The following JAK3 variants were observed in gnomAD, a reference collection of about 807,000 sequenced individuals.
The protein encoded by JAK3 is tyrosine-protein kinase JAK3.
In JAK3, 88 loss-of-function variants were observed where a neutral mutation model predicts 120.8. The observed-to-expected ratio is 0.73, with a 90% confidence interval of 0.61 to 0.87. The LOEUF (loss-of-function observed/expected upper bound fraction) is 0.87. JAK3 is among the 40% of genes least tolerant of loss of function. The probability of loss-of-function intolerance (pLI) is 0.00; values close to 1 mark genes in which losing one functional copy is unlikely to be tolerated. For synonymous variants in JAK3, 592 were observed against 628.6 expected (o/e 0.94, Z 0.87); for missense variants, 1,254 against 1,501.4 (o/e 0.84, Z 2.72).
chr19:17,829,674 C>T (rs1050369583), intron 23 of JAK3: 1 of 262,708 alleles, frequency 3.8e-6, no homozygotes, highest in African/African-American at 2.2e-5. Flanking sequence ...CTAGGGGAAT[C>T]ACTTGAGCTC....
At chr19:17,847,672 C>G (rs2094255277) in intron 1 of JAK3, among the ~76,000 whole-genome samples, 1 of 151,834 alleles carries the variant, frequency 6.6e-6, no homozygotes, top group African/African-American at 2.4e-5. Context: ...CTCCTCCCCA[C>G]CCCCAACCCC....
chr19:17,836,825 A>G (rs3212758), intron 13 of JAK3: 9,095 of 495,760 alleles, frequency 0.018, 676 homozygotes, highest in African/African-American at 0.16. Context: ...GGCCCATCCT[A>G]GACTCCCAAC....
In JAK3 at chr19:17,831,843, TCCC is replaced by T. The variant is rs1174400486; in HGVS notation, c.2681-48_2681-46del. On this transcript the variant is annotated intron_variant, in intron 19 of 23. Coordinates refer to ENST00000458235, the MANE Select transcript of JAK3 (RefSeq NM_000215.4). This position sits in a 1 kb window ranked among gnomAD's most constrained non-coding sequence, Gnocchi z 5.1. Reference sequence around the variant, plus strand: ...TCACAGCAGGGCCCAGCCCTGCTCGTCCCCCCATTCTTCCCCCCTTTCACAGTG... The same window carrying T: ...TCACAGCAGGGCCCAGCCCTGCTCGTCCCATTCTTCCCCCCTTTCACAGTG... 6 of 1,605,712 alleles carry T rather than the reference TCCC, an allele frequency of 3.7e-6. No homozygotes were observed. In the Admixed American group the frequency reaches 8.3e-5, roughly 22 times the overall value.
intron 1 of JAK3, among the ~76,000 whole-genome samples, chr19:17,845,775 A>G (rs2094250761): frequency 6.6e-6 from 1 of 152,158 alleles, no homozygotes; most frequent in African/African-American, 2.4e-5. Context: ...TACAAAAACT[A>G]TGATCCAAAA....
chr19:17,840,017 G>A (rs969446426), intron 9 of JAK3, among the ~76,000 whole-genome samples: 8 of 152,172 alleles, frequency 5.3e-5, no homozygotes, highest in Non-Finnish European at 1.2e-4. Context: ...GGGATTACAG[G>A]CGTAAGCCAC....
At chr19:17,840,580 C>G (rs1009301974) in intron 8 of JAK3, among the ~76,000 whole-genome samples, 1 of 151,822 alleles carries the variant, frequency 6.6e-6, no homozygotes, top group Non-Finnish European at 1.5e-5. Flanking sequence ...TGGCTAACAC[C>G]GTGAAACCCC....
At chr19:17,834,044 A>AT (rs1040166375) in intron 17 of JAK3, among the ~76,000 whole-genome samples, 1 of 151,920 alleles carries the variant, frequency 6.6e-6, no homozygotes, top group Admixed American at 6.6e-5. Flanking sequence ...CCAGCCAAAC[A>AT]TTTTTTTAAA....
In JAK3 at chr19:17,842,454, G is replaced by GTCCT. The variant is rs2094242185; in HGVS notation, c.722_723insAGGA (p.Asp241GlufsTer37). 1.3e-6 allele frequency: 2 copies of GTCCT among 1,597,368 alleles called. No individual in the cohort carries two copies. Among genetic ancestry groups the GTCCT allele is most frequent in the African/African-American group, 1.3e-5 (1 of 74,840 alleles). On this transcript the variant is annotated frameshift_variant, in exon 6 of 24. Transcript: ENST00000458235. LOFTEE classifies it high-confidence loss of function. This position sits in a 1 kb window ranked among gnomAD's most constrained non-coding sequence, Gnocchi z 6.4. ...CCCCGGCTGGATCCAGCCGCTCCAG[G>GTCCT]TCCATGATGTACTTGGCCATGAGCG...
chr19:17,829,769 AAG>A, intron 23 of JAK3: 4 of 452,736 alleles, frequency 8.8e-6, no homozygotes, highest in East Asian at 6.5e-5. Context: ...GAAAGAAAGA[AAG>A]AAAAAAAAAA....
rs569442415 is a variant in JAK3, at chr19:17,838,127, C to T, written c.1570-64G>A. On this transcript the variant is annotated intron_variant, in intron 11 of 23. Transcript: ENST00000458235. Reference sequence around the variant, plus strand: ...GGTTCCTGCAGGATCCCAGCCCAAGCGAGACATAGCTGCTGGCCCCATTTT... The same window carrying T: ...GGTTCCTGCAGGATCCCAGCCCAAGTGAGACATAGCTGCTGGCCCCATTTT... 1.5e-5 allele frequency: 24 copies of T among 1,612,906 alleles called. 1 individual carries two copies. The Middle Eastern group carries it at 5.0e-4, about 33-fold the overall frequency.
intron 22 of JAK3, 96 bp from the exon 23 acceptor site, chr19:17,830,314 G>T: frequency 9.8e-7 from 1 of 1,017,588 alleles, no homozygotes; most frequent in Non-Finnish European, 1.5e-6. Flanking sequence ...ATCTGTGATG[G>T]AGCGGGGAGG....
chr19:17,828,115 TC>T (rs1483226447), intron 23 of JAK3, among the ~76,000 whole-genome samples: 1 of 152,054 alleles, frequency 6.6e-6, no homozygotes, highest in African/African-American at 2.4e-5. Context: ...ATGGGTAGGC[TC>T]CTCCTCCTTC....
chr19:17,839,738 C>CTCT lies in JAK3; in HGVS notation c.1255-76_1255-75insAGA, dbSNP rs538322656. ...TTCTCAGTCCTTCTTCCTTTTTTTT[C>CTCT]TTTTTTTTTTTTTTTTTTTGGAGAC... On this transcript the variant is annotated intron_variant, in intron 9 of 23. Coordinates refer to ENST00000458235, the MANE Select transcript of JAK3 (RefSeq NM_000215.4). 4.2e-3 allele frequency: 3,376 copies of CTCT among 796,000 alleles called. 146 individuals are homozygous for CTCT. The African/African-American group carries it at 0.063, about 15-fold the overall frequency. 49.3% of individuals were successfully genotyped at this position (796,000 alleles called of 1,614,324 possible). A position where few individuals can be genotyped will look rare whatever the true frequency, so the allele number is the denominator to read the frequency against.
Position 17,831,770 on chromosome 19 carries a change from C to CT in JAK3, c.2708dup (p.Tyr904ValfsTer64). ...CGCGCAAGCAGCCGCTGGGCAGGTA[C>CT]TCCATGACCAGCCGCAGGCTCTGGC... is the stretch of plus-strand genomic sequence containing the variant. On this transcript the variant is annotated frameshift_variant, in exon 20 of 24. Coordinates refer to ENST00000458235, the MANE Select transcript of JAK3 (RefSeq NM_000215.4). LOFTEE classifies it high-confidence loss of function. The surrounding 1 kb of genome is among the most constrained non-coding windows in gnomAD (Gnocchi z 5.1). 1 of 1,612,806 alleles carries CT rather than the reference C, an allele frequency of 6.2e-7. No individual in the cohort carries two copies. Among genetic ancestry groups the CT allele is most frequent in the South Asian group, 1.1e-5 (1 of 91,084 alleles).
Position 17,831,135 on chromosome 19 carries a change from G to A in JAK3, c.2978+93C>T, listed in dbSNP as rs1165743840. ...CGGAGGAAGGGCGGGGCTAAGGCTG[G>A]GGAGCAAAGCAGCGGGAGGGGGCGG... On this transcript the variant is annotated intron_variant, in intron 21 of 23. Transcript: ENST00000458235. The surrounding 1 kb of genome is among the most constrained non-coding windows in gnomAD (Gnocchi z 5.1). The A allele has an allele frequency of 7.1e-7, 1 of 1,401,546 alleles. No homozygotes were observed. The highest frequency in any genetic ancestry group is 9.8e-7 in the Non-Finnish European group (1 of 1,021,332). 86.8% of individuals were successfully genotyped at this position (1,401,546 alleles called of 1,614,324 possible).
Position 17,847,967 on chromosome 19 carries a change from C to T in JAK3, c.-35G>A, listed in dbSNP as rs2094256291. On this transcript the variant is annotated 5_prime_UTR_variant, in exon 1 of 24. Transcript: ENST00000458235. Reference sequence around the variant, plus strand: ...TTACCTAGCGGGCAGGGACCCTGGACTTTCGAAGGGCGGGCAGAGCCGGGA... The same window carrying T: ...TTACCTAGCGGGCAGGGACCCTGGATTTTCGAAGGGCGGGCAGAGCCGGGA... 2 of 1,038,810 alleles carry T rather than the reference C, an allele frequency of 1.9e-6. No homozygotes were observed. Among genetic ancestry groups the T allele is most frequent in the Non-Finnish European group, 2.3e-6 (2 of 861,150 alleles). 64.3% of individuals were successfully genotyped at this position (1,038,810 alleles called of 1,614,324 possible). A position where few individuals can be genotyped will look rare whatever the true frequency, so the allele number is the denominator to read the frequency against.
chr19:17,835,290 A>G, intron 14 of JAK3, 75 bp from the exon 15 acceptor site: 1 of 1,552,178 alleles, frequency 6.4e-7, no homozygotes, highest in Non-Finnish European at 8.7e-7. Context: ...ACTCCTATAC[A>G]TCCTTCAAAA....
rs375807308 is a variant in JAK3, at chr19:17,831,733, G to A, written c.2746C>T (p.Arg916Trp). The change falls in exon 20 of 24, where the codon CGG becomes TGG. Residue 916 changes from arginine (R) to tryptophan (W), a missense_variant. By Grantham distance (101) the Arg-to-Trp change is moderately radical (BLOSUM62 -3). Around this residue, in one of 3 missense-constraint regions of JAK3, gnomAD observed 630 missense variants for 819.8 expected, o/e 0.77. Transcript: ENST00000458235. This position sits in a 1 kb window ranked among gnomAD's most constrained non-coding sequence, Gnocchi z 5.1. ...CTGGCATCGAGGCGCGCGCGGTGCC[G>A]CTGCAGGAAGTCGCGCAAGCAGCCG... ...PSGCLRDFLQRHRARLDASRL... is the reference protein window; with the variant it reads ...PSGCLRDFLQWHRARLDASRL... 1.2e-5 allele frequency: 20 copies of A among 1,612,270 alleles called. No homozygotes were observed. The African/African-American group carries it at 2.7e-4, about 21-fold the overall frequency.
rs140003603 is a variant in JAK3, at chr19:17,838,061, A to G, written c.1572T>C (p.His524=). ...TGAAGGACCCATGGCCCAGGTTCTC[A>G]TGCTGAATGGTGAGGGGACAGCAGA... ...HKIPADSLEW[H]ENLGHGSFTK... Residue 524 remains histidine, a splice_region_variant and synonymous_variant, in exon 12 of 24, where the codon CAT becomes CAC. Coordinates refer to ENST00000458235, the MANE Select transcript of JAK3 (RefSeq NM_000215.4). 4.3e-6 allele frequency: 7 copies of G among 1,614,008 alleles called. No homozygotes were observed. The highest frequency in any genetic ancestry group is 5.9e-6 in the Non-Finnish European group (7 of 1,180,044).
Sources: allele counts gnomAD v4.1 joint callset (sites outside exome capture counted in the v4.1 genomes callset), GRCh38; gene constraint gnomAD v4.1.1; regional missense constraint gnomAD v4.1.1; non-coding constraint Gnocchi (gnomAD v3.1); transcripts MANE v1.5; gene names NCBI Gene and HGNC (gene_info 2026-07-23, HGNC 2026-07-21).